Variants in PLCB4 observed in about 807,000 individuals in gnomAD.
PLCB4 encodes the protein phospholipase C beta 4.
A neutral mutation model predicts 178.8 loss-of-function variants in PLCB4; 77 were observed. The ratio of observed to expected loss-of-function variants is 0.43; its 90% confidence interval spans 0.36 to 0.52. The LOEUF (loss-of-function observed/expected upper bound fraction) is 0.52, where lower values mean the gene tolerates loss of function less well. Among genes scored for constraint, PLCB4 ranks in the 20% least tolerant of loss-of-function variants. The probability of loss-of-function intolerance (pLI) is 0.00; values close to 1 mark genes in which losing one functional copy is unlikely to be tolerated. For synonymous variants in PLCB4, 496 were observed against 490.8 expected (o/e 1.01, Z -0.14); for missense variants, 1,024 against 1,453.4 (o/e 0.70, Z 4.80).
At chr20:9,280,458 G>C (rs530018202) in intron 3 of PLCB4, 1 of 984,420 alleles carries the variant, frequency 1.0e-6, no homozygotes, top group African/African-American at 1.7e-5. Flanking sequence ...CAGGGGAGAA[G>C]GGAAGGGAAA....
At chr20:9,421,845 C>T (rs896587105) in intron 27 of PLCB4, among the ~76,000 whole-genome samples, 1 of 152,186 alleles carries the variant, frequency 6.6e-6, no homozygotes, top group African/African-American at 2.4e-5. Context: ...AAATTTTGGT[C>T]AATAGATGTC....
intron 3 of PLCB4, among the ~76,000 whole-genome samples, chr20:9,261,357 C>T (rs777390742): frequency 9.9e-5 from 15 of 152,106 alleles, no homozygotes; most frequent in Non-Finnish European, 2.1e-4. Context: ...AGTAATTCTG[C>T]CATCCAGATA....
chr20:9,219,433 C>A (rs942138712), intron 3 of PLCB4, among the ~76,000 whole-genome samples: 9 of 152,116 alleles, frequency 5.9e-5, no homozygotes, highest in Non-Finnish European at 1.3e-4. Context: ...GGCGCCACTG[C>A]ACTCCAGCCT....
chr20:9,146,107 C>T (rs886552279), intron 2 of PLCB4, among the ~76,000 whole-genome samples: 1 of 152,080 alleles, frequency 6.6e-6, no homozygotes, highest in African/African-American at 2.4e-5. Flanking sequence ...TTTTCATTTA[C>T]CAGCTAACAT....
intron 28 of PLCB4, among the ~76,000 whole-genome samples, chr20:9,427,071 A>G (rs927040870): frequency 6.6e-5 from 10 of 152,138 alleles, no homozygotes; most frequent in African/African-American, 2.4e-4. Context: ...CTAAAAATGC[A>G]AAAATTAGCC....
intron 3 of PLCB4, among the ~76,000 whole-genome samples, chr20:9,252,443 A>G (rs2094191266): frequency 6.6e-6 from 1 of 152,186 alleles, no homozygotes; most frequent in African/African-American, 2.4e-5. Flanking sequence ...TCTTGGCTCT[A>G]ATTTAGATTT....
At chr20:9,465,197 C>T (rs1030128355) in intron 35 of PLCB4, among the ~76,000 whole-genome samples, 1 of 152,144 alleles carries the variant, frequency 6.6e-6, no homozygotes, top group African/African-American at 2.4e-5. Flanking sequence ...ACATGATTAT[C>T]TCAATAGATG....
At chr20:9,411,191 T>C in intron 25 of PLCB4, 103 bp downstream of exon 25, 4 of 784,042 alleles carry the variant, frequency 5.1e-6, no homozygotes, top group Non-Finnish European at 8.7e-6. Flanking sequence ...GAATTTAAGC[T>C]GGGTTTGAGG....
chr20:9,461,620 T>G (rs1193504994), intron 35 of PLCB4, among the ~76,000 whole-genome samples: 1 of 152,238 alleles, frequency 6.6e-6, no homozygotes, highest in Non-Finnish European at 1.5e-5. Flanking sequence ...GTGCCTGGCT[T>G]GGCAGGTTCC....
intron 3 of PLCB4, among the ~76,000 whole-genome samples, chr20:9,258,651 G>T (rs1052145142): frequency 6.8e-6 from 1 of 146,482 alleles, no homozygotes; most frequent in African/African-American, 2.6e-5. Flanking sequence ...GGAGGCGGAG[G>T]TTGCAGTGAG....
chr20:9,198,253 G>A (rs567183203), intron 2 of PLCB4, among the ~76,000 whole-genome samples: 24 of 152,284 alleles, frequency 1.6e-4, no homozygotes, highest in African/African-American at 5.5e-4. Flanking sequence ...AAAGGTGTCT[G>A]TCACTAGAAC....
intron 2 of PLCB4, among the ~76,000 whole-genome samples, chr20:9,133,100 CT>C (rs1268856790): frequency 6.6e-6 from 1 of 152,152 alleles, no homozygotes; most frequent in Non-Finnish European, 1.5e-5. Flanking sequence ...TACCTCTGAC[CT>C]TTGGCTCATA....
chr20:9,395,448 G>C, intron 18 of PLCB4, 75 bp from the exon 19 acceptor site: 2 of 937,422 alleles, frequency 2.1e-6, no homozygotes, highest in South Asian at 2.6e-5. Context: ...GTCCTCCTCA[G>C]TGTCGATCTC....
Position 9,131,680 on chromosome 20 carries a change from C to A in PLCB4, c.-79+35338C>A, listed in dbSNP as rs563732135. 2.9e-4 allele frequency among the ~76,000 whole-genome samples: 44 copies of A among 152,262 alleles called. No homozygotes were observed. The East Asian group carries it at 3.7e-3, about 13-fold the overall frequency. Reference sequence around the variant, plus strand: ...ATCTGGTTTACAAGGAAATCCTGTTCCAACCATGGTAGACTGTTACATTTG... The same window carrying A: ...ATCTGGTTTACAAGGAAATCCTGTTACAACCATGGTAGACTGTTACATTTG... On this transcript the variant is annotated intron_variant, in intron 2 of 39. Coordinates refer to ENST00000378473, the MANE Select transcript of PLCB4 (RefSeq NM_001377142.1).
intron 28 of PLCB4, among the ~76,000 whole-genome samples, chr20:9,428,859 G>C (rs1250077821): frequency 6.6e-6 from 1 of 152,158 alleles, no homozygotes; most frequent in African/African-American, 2.4e-5. Flanking sequence ...AATCAACTGA[G>C]TTCTCCTGAA....
At chr20:9,344,420 G>A (rs1339138248) in intron 7 of PLCB4, among the ~76,000 whole-genome samples, 3 of 152,156 alleles carry the variant, frequency 2.0e-5, no homozygotes, top group African/African-American at 4.8e-5. Flanking sequence ...TTCTTCCTCT[G>A]TCTGCAGGAC....
intron 7 of PLCB4, among the ~76,000 whole-genome samples, chr20:9,356,132 T>C (rs2034796493): frequency 6.6e-6 from 1 of 152,060 alleles, no homozygotes. Context: ...TTGCCCACTT[T>C]TTGATGGGGT....
chr20:9,120,087 A>T (rs1239426277), intron 2 of PLCB4, among the ~76,000 whole-genome samples: 1 of 152,186 alleles, frequency 6.6e-6, no homozygotes, highest in African/African-American at 2.4e-5. Flanking sequence ...CTGCCCCAGC[A>T]GCAGAGCTGT....
chr20:9,162,961 A>G (rs1418166326), intron 2 of PLCB4, among the ~76,000 whole-genome samples: 4 of 152,058 alleles, frequency 2.6e-5, no homozygotes, highest in Non-Finnish European at 5.9e-5. Context: ...ATTTTTACCA[A>G]TTTCTGGGGT....
Sources: allele counts gnomAD v4.1 joint callset (sites outside exome capture counted in the v4.1 genomes callset), GRCh38; gene constraint gnomAD v4.1.1; transcripts MANE v1.5; gene names NCBI Gene and HGNC (gene_info 2026-07-23, HGNC 2026-07-21).